Variants in PTPN2 observed in about 807,000 individuals in gnomAD.
PTPN2 encodes tyrosine-protein phosphatase non-receptor type 2.
Under a neutral mutation model 57.3 loss-of-function variants are expected in PTPN2, and 19 were observed. The ratio of observed to expected loss-of-function variants is 0.33; its 90% CI spans 0.23 to 0.49. PTPN2 has a LOEUF of 0.49. Among genes scored for constraint, PTPN2 ranks in the 20% least tolerant of loss-of-function variants. The pLI is 0.99. For synonymous variants in PTPN2, 153 were observed against 164.9 expected (o/e 0.93, Z 0.55); for missense variants, 358 against 501.1 (o/e 0.71, Z 2.73).
intron 1 of PTPN2, among the ~76,000 whole-genome samples, chr18:12,874,946 A>G (rs2044435834): frequency 6.6e-6 from 1 of 152,164 alleles, no homozygotes; most frequent in Admixed American, 6.5e-5. Flanking sequence ...GAGACTTTTC[A>G]TTTTGTTCTG....
At chr18:12,835,591 G>T (rs1226039196) in intron 3 of PTPN2, among the ~76,000 whole-genome samples, 1 of 151,910 alleles carries the variant, frequency 6.6e-6, no homozygotes, top group Admixed American at 6.6e-5. Context: ...GGCCAGGCTG[G>T]TCTCAAACTC....
At chr18:12,870,466 G>GAT (rs1568170035) in intron 1 of PTPN2, among the ~76,000 whole-genome samples, 16 of 73,198 alleles carry the variant, frequency 2.2e-4, no homozygotes, top group Non-Finnish European at 1.9e-4. Context: ...TATATATAGA[G>GAT]AGAGAGAGAG....
chr18:12,829,057 C>T (rs192638847), intron 4 of PTPN2, among the ~76,000 whole-genome samples: 56 of 152,318 alleles, frequency 3.7e-4, no homozygotes, highest in African/African-American at 1.3e-3. Flanking sequence ...GCCACCACAC[C>T]CAGCTAATTT....
intron 5 of PTPN2, among the ~76,000 whole-genome samples, chr18:12,823,267 A>AC (rs11428571): frequency 0.086 from 13,079 of 152,272 alleles, 739 homozygotes; most frequent in African/African-American, 0.15. Flanking sequence ...CAACTAAAAC[A>AC]GAGTGGCTGG....
chr18:12,797,799 C>G (rs1056977408), intron 8 of PTPN2, among the ~76,000 whole-genome samples: 6 of 152,192 alleles, frequency 3.9e-5, no homozygotes, highest in Admixed American at 6.5e-5. Context: ...GTGGCGTGAT[C>G]ATAGCTCCCT....
Position 12,866,535 on chromosome 18 carries a change from G to A in PTPN2, c.70-7281C>T, listed in dbSNP as rs115032816. On this transcript the variant is annotated intron_variant, in intron 1 of 8. Transcript: ENST00000309660. Reference sequence around the variant, plus strand: ...TGAGACCAGGACAGGGAAATCTGGAGACAGAAAGTAGATTAGTGGTTGTCA... The same window carrying A: ...TGAGACCAGGACAGGGAAATCTGGAAACAGAAAGTAGATTAGTGGTTGTCA... 3.6e-3 allele frequency among the ~76,000 whole-genome samples: 553 copies of A among 152,282 alleles called. 2 individuals are homozygous for A. Among genetic ancestry groups the A allele is most frequent in the African/African-American group, 0.013 (539 of 41,576 alleles).
At chr18:12,822,771 T>C (rs184080964) in intron 5 of PTPN2, among the ~76,000 whole-genome samples, 3 of 152,304 alleles carry the variant, frequency 2.0e-5, no homozygotes, top group Admixed American at 1.3e-4. Context: ...CTTTCTTTCT[T>C]GCTAGTATCC....
At chr18:12,879,010 G>A (rs1472012790) in intron 1 of PTPN2, among the ~76,000 whole-genome samples, 1 of 152,144 alleles carries the variant, frequency 6.6e-6, no homozygotes, top group East Asian at 1.9e-4. Context: ...TCAAAGCTCA[G>A]CCTGATGAAG....
chr18:12,874,704 G>A (rs543209569), intron 1 of PTPN2, among the ~76,000 whole-genome samples: 118 of 150,474 alleles, frequency 7.8e-4, no homozygotes, highest in Non-Finnish European at 1.1e-3. Flanking sequence ...CCCCTCGCCC[G>A]GCCAGCCGCC....
At chr18:12,880,642 C>G (rs538290312) in intron 1 of PTPN2, 6 of 152,424 alleles carry the variant, frequency 3.9e-5, no homozygotes, top group African/African-American at 1.4e-4. Context: ...TCAACTCCCT[C>G]CACTGCTTTC....
chr18:12,854,650 A>G (rs80018361), intron 2 of PTPN2, among the ~76,000 whole-genome samples: 3,768 of 152,252 alleles, frequency 0.025, 162 homozygotes, highest in African/African-American at 0.085. Flanking sequence ...CTGTAGACAG[A>G]AAAGTCCACG....
chr18:12,866,297 G>C (rs1460341106), intron 1 of PTPN2, among the ~76,000 whole-genome samples: 1 of 152,030 alleles, frequency 6.6e-6, no homozygotes, highest in Non-Finnish European at 1.5e-5. Flanking sequence ...AATTAGCCGG[G>C]TGTGGTGGCG....
intron 7 of PTPN2, among the ~76,000 whole-genome samples, chr18:12,809,327 C>CA (rs1277139466): frequency 6.6e-6 from 1 of 152,228 alleles, no homozygotes; most frequent in Non-Finnish European, 1.5e-5. Flanking sequence ...CACTTGTCAC[C>CA]ATTCCTAGGG....
chr18:12,834,838 A>G (rs1248731711), intron 3 of PTPN2, among the ~76,000 whole-genome samples: 3 of 152,194 alleles, frequency 2.0e-5, no homozygotes, highest in South Asian at 4.1e-4. Flanking sequence ...AAGGGTTGTG[A>G]TAAGGGATCT....
At chr18:12,843,137 A>G (rs1365827523) in intron 2 of PTPN2, among the ~76,000 whole-genome samples, 1 of 152,102 alleles carries the variant, frequency 6.6e-6, no homozygotes, top group Non-Finnish European at 1.5e-5. Flanking sequence ...ACCAACCTAC[A>G]TGATTCCAGA....
At chr18:12,810,288 T>C (rs540082887) in intron 7 of PTPN2, among the ~76,000 whole-genome samples, 28 of 151,734 alleles carry the variant, frequency 1.8e-4, no homozygotes, top group African/African-American at 6.5e-4. Flanking sequence ...TGCATGAATC[T>C]GGGAGGCGGA....
intron 7 of PTPN2, among the ~76,000 whole-genome samples, chr18:12,813,579 G>C (rs1490639438): frequency 6.6e-6 from 1 of 152,062 alleles, no homozygotes; most frequent in Non-Finnish European, 1.5e-5. Context: ...AAAGACAGTC[G>C]ATCTTCTTAT....
intron 8 of PTPN2, among the ~76,000 whole-genome samples, chr18:12,801,569 T>G (rs909439642): frequency 2.6e-5 from 4 of 152,034 alleles, no homozygotes; most frequent in Admixed American, 2.0e-4. Context: ...AATTATTTAT[T>G]TATTATTATT....
intron 7 of PTPN2, among the ~76,000 whole-genome samples, chr18:12,803,215 GA>G (rs1797913670): frequency 1.3e-5 from 2 of 150,840 alleles, no homozygotes; most frequent in African/African-American, 4.9e-5. Context: ...TAACCACAAA[GA>G]AAAAAAGTAA....
Sources: allele counts gnomAD v4.1 joint callset (sites outside exome capture counted in the v4.1 genomes callset), GRCh38; gene constraint gnomAD v4.1.1; transcripts MANE v1.5; gene names NCBI Gene and HGNC (gene_info 2026-07-23, HGNC 2026-07-21).